The following ZNF469 variants were observed in gnomAD, a reference collection of about 807,000 sequenced individuals.
ZNF469 encodes the protein zinc finger protein 469.
Under a neutral mutation model 1.0 loss-of-function variants are expected in ZNF469, and 1 was observed. The observed-to-expected ratio is 1.00, with a 90% CI of 0.35 to 4.73. ZNF469 has a LOEUF of 4.73. Ranked by LOEUF, ZNF469 falls within the 30% of genes most tolerant of loss-of-function variation. The pLI, the probability that ZNF469 is intolerant of heterozygous loss-of-function variation, is 0.16. For synonymous variants in ZNF469, 2,703 were observed against 2,363.4 expected, an observed-to-expected ratio of 1.14 and a Z score of -4.17; for missense variants, 6,100 against 5,356.3, an observed-to-expected ratio of 1.14 and a Z score of -4.33.
chr16:88,355,036 G>C, the ZNF469 span, among the ~76,000 whole-genome samples: 3 of 152,198 alleles, frequency 2.0e-5, no homozygotes, highest in African/African-American at 7.2e-5. Flanking sequence ...CTGATACTCA[G>C]GGAACGTGGG....
At chr16:88,112,345 T>C in the ZNF469 span, among the ~76,000 whole-genome samples, 1 of 152,224 alleles carries the variant, frequency 6.6e-6, no homozygotes, top group African/African-American at 2.4e-5. Context: ...TTGTAGCTTT[T>C]TGAGGAACCG....
chr16:88,242,153 C>T, the ZNF469 span, among the ~76,000 whole-genome samples: 16 of 152,198 alleles, frequency 1.1e-4, no homozygotes, highest in Non-Finnish European at 2.1e-4. Context: ...TCGAGCCCAG[C>T]GCTCTGCAAC....
chr16:88,324,652 G>A, the ZNF469 span, among the ~76,000 whole-genome samples: 2 of 152,190 alleles, frequency 1.3e-5, no homozygotes, highest in Non-Finnish European at 2.9e-5. Context: ...AGTGCATAAG[G>A]GACTGTAGCT....
chr16:88,362,428 A>G, the ZNF469 span, among the ~76,000 whole-genome samples: 1 of 152,196 alleles, frequency 6.6e-6, no homozygotes, highest in Admixed American at 6.5e-5. Context: ...ATTTTCTTAA[A>G]ACCTAGGTCA....
At chr16:88,291,945 A>T in the ZNF469 span, among the ~76,000 whole-genome samples, 1 of 152,134 alleles carries the variant, frequency 6.6e-6, no homozygotes, top group Admixed American at 6.5e-5. Context: ...CTCAGCCTTG[A>T]TGGCTGCTGG....
the ZNF469 span, among the ~76,000 whole-genome samples, chr16:88,165,619 C>T: frequency 1.7e-4 from 26 of 152,302 alleles, no homozygotes; most frequent in South Asian, 5.2e-3. Context: ...ATTTTTAAAT[C>T]GTGGTAACAT....
the ZNF469 span, among the ~76,000 whole-genome samples, chr16:88,366,968 A>T: frequency 1.3e-5 from 2 of 152,004 alleles, no homozygotes; most frequent in Non-Finnish European, 2.9e-5. Flanking sequence ...GATCTCTGTC[A>T]TTACCACCAT....
At chr16:88,376,443 C>T in the ZNF469 span, among the ~76,000 whole-genome samples, 362 of 152,286 alleles carry the variant, frequency 2.4e-3, 1 homozygote, top group Non-Finnish European at 4.0e-3. Flanking sequence ...TCCTCGCCTG[C>T]CCCAGGCCTG....
At chr16:88,391,461 T>C (rs373565976) in intron 1 of ZNF469, among the ~76,000 whole-genome samples, 13 of 152,098 alleles carry the variant, frequency 8.5e-5, no homozygotes, top group Admixed American at 1.3e-4. Flanking sequence ...GGCCATCGTT[T>C]TGGACAGACT....
chr16:88,136,672 C>G, the ZNF469 span, among the ~76,000 whole-genome samples: 2 of 152,272 alleles, frequency 1.3e-5, no homozygotes, highest in Non-Finnish European at 2.9e-5. Flanking sequence ...CGATGGACGT[C>G]TGATGGCTCA....
chr16:88,123,307 T>C, the ZNF469 span, among the ~76,000 whole-genome samples: 1 of 152,162 alleles, frequency 6.6e-6, no homozygotes, highest in East Asian at 1.9e-4. Flanking sequence ...AGCATCGAGG[T>C]TTATCCATGC....
At chr16:88,289,195 TTGA>T in the ZNF469 span, among the ~76,000 whole-genome samples, 1,003 of 140,058 alleles carry the variant, frequency 7.2e-3, 13 homozygotes, top group African/African-American at 0.027. Context: ...GATGATTAGG[TTGA>T]TGATGGTGAT....
At chr16:88,409,625 T>C (rs1302747741) in intron 1 of ZNF469, among the ~76,000 whole-genome samples, 1 of 152,216 alleles carries the variant, frequency 6.6e-6, no homozygotes, top group Non-Finnish European at 1.5e-5. Context: ...GTGCACCCCA[T>C]GCACATATGC....
chr16:88,380,836 TCA>T (rs1290752323), upstream of ZNF469, among the ~76,000 whole-genome samples: 3 of 91,416 alleles, frequency 3.3e-5, no homozygotes, highest in South Asian at 3.5e-4. Flanking sequence ...ACACACGCAC[TCA>T]CACAGACATG....
At chr16:88,239,577 TC>T in the ZNF469 span, among the ~76,000 whole-genome samples, 1 of 145,148 alleles carries the variant, frequency 6.9e-6, no homozygotes, top group African/African-American at 2.5e-5. Context: ...AAGCTCCGCC[TC>T]CCAGGTTCAC....
the ZNF469 span, among the ~76,000 whole-genome samples, chr16:88,365,459 C>G: frequency 6.6e-6 from 1 of 152,178 alleles, no homozygotes; most frequent in Non-Finnish European, 1.5e-5. Flanking sequence ...GGCCAAGCAC[C>G]CATCTGCTGC....
chr16:88,356,511 C>T, the ZNF469 span, among the ~76,000 whole-genome samples: 2 of 150,442 alleles, frequency 1.3e-5, no homozygotes, highest in Non-Finnish European at 3.0e-5. Context: ...TGTACATGTG[C>T]CTGTGTGTGT....
At chr16:88,288,321 G>C in the ZNF469 span, among the ~76,000 whole-genome samples, 2 of 152,128 alleles carry the variant, frequency 1.3e-5, no homozygotes, top group African/African-American at 2.4e-5. Flanking sequence ...TGAGAACTTG[G>C]ATGTTTTCAC....
At chr16:88,135,693 C>T in the ZNF469 span, among the ~76,000 whole-genome samples, 4 of 150,818 alleles carry the variant, frequency 2.7e-5, no homozygotes, top group African/African-American at 4.9e-5. Flanking sequence ...GTGCTGGGAC[C>T]GGTGATCCAC....
Sources: allele counts gnomAD v4.1 joint callset (sites outside exome capture counted in the v4.1 genomes callset), GRCh38; gene constraint gnomAD v4.1.1; transcripts MANE v1.5; gene names NCBI Gene and HGNC (gene_info 2026-07-23, HGNC 2026-07-21).